The following EYS variants were observed in gnomAD, a reference collection of about 807,000 sequenced individuals.
The protein encoded by EYS is protein eyes shut homolog.
In EYS, 250 loss-of-function variants were observed where a neutral mutation model predicts 282.1. The ratio of observed to expected loss-of-function variants is 0.89; its 90% CI spans 0.80 to 0.98. EYS has a LOEUF of 0.98. Ranked by LOEUF, EYS falls within the 50% of genes least tolerant of loss-of-function variation. The pLI is 0.00. For synonymous variants in EYS, 1,355 were observed against 1,282.9 expected (o/e 1.06, Z -1.20); for missense variants, 4,016 against 3,709.0 (o/e 1.08, Z -2.15).
At chr6:64,603,246 C>T (rs1766818587) in intron 24 of EYS, among the ~76,000 whole-genome samples, 1 of 151,982 alleles carries the variant, frequency 6.6e-6, no homozygotes, top group South Asian at 2.1e-4. Flanking sequence ...CTGTTTCCTC[C>T]TCTTCCCCCA....
intron 31 of EYS, among the ~76,000 whole-genome samples, chr6:64,171,311 T>C (rs1764473085): frequency 6.6e-6 from 1 of 152,210 alleles, no homozygotes; most frequent in Non-Finnish European, 1.5e-5. Context: ...TATAGGGATC[T>C]GTGGGCCCTT....
intron 31 of EYS, among the ~76,000 whole-genome samples, chr6:64,105,977 A>T (rs953643196): frequency 1.3e-5 from 2 of 152,110 alleles, no homozygotes; most frequent in Non-Finnish European, 2.9e-5. Flanking sequence ...GAAAACATAC[A>T]GTTGGGTCTT....
intron 30 of EYS, among the ~76,000 whole-genome samples, chr6:64,291,403 A>G (rs995752617): frequency 2.0e-5 from 3 of 152,058 alleles, no homozygotes; most frequent in Non-Finnish European, 4.4e-5. Context: ...GTATAAGTAA[A>G]ACAACTATAT....
At chr6:64,797,493 G>A (rs1243110346) in intron 22 of EYS, among the ~76,000 whole-genome samples, 1 of 151,770 alleles carries the variant, frequency 6.6e-6, no homozygotes, top group Non-Finnish European at 1.5e-5. Context: ...TCTTCCCAAA[G>A]CATATTATAT....
intron 12 of EYS, among the ~76,000 whole-genome samples, chr6:65,155,732 T>A (rs1220722956): frequency 6.6e-6 from 1 of 151,490 alleles, no homozygotes; most frequent in Non-Finnish European, 1.5e-5. Flanking sequence ...GTCTATTATG[T>A]AAAAAGCATT....
intron 13 of EYS, among the ~76,000 whole-genome samples, chr6:65,019,563 A>T (rs761992804): frequency 6.6e-6 from 1 of 152,218 alleles, no homozygotes; most frequent in Admixed American, 6.5e-5. Flanking sequence ...GTACAAAATA[A>T]ATGACATAAG....
intron 41 of EYS, among the ~76,000 whole-genome samples, chr6:63,738,504 C>G (rs1380531845): frequency 6.7e-6 from 1 of 148,208 alleles, no homozygotes. Flanking sequence ...ACCAAACACC[C>G]CATATTCTCA....
intron 31 of EYS, among the ~76,000 whole-genome samples, chr6:64,188,827 TTAG>T (rs1240958403): frequency 2.0e-5 from 3 of 152,036 alleles, no homozygotes; most frequent in African/African-American, 7.2e-5. Flanking sequence ...TGAGGATTAG[TTAG>T]TAGGAAAAGG....
At chr6:65,292,593 C>G (rs1418823836) in intron 12 of EYS, among the ~76,000 whole-genome samples, 1 of 151,694 alleles carries the variant, frequency 6.6e-6, no homozygotes, top group Non-Finnish European at 1.5e-5. Context: ...AAAGTACCCC[C>G]TTTAGGTACT....
intron 35 of EYS, among the ~76,000 whole-genome samples, chr6:63,954,380 C>T (rs1765723461): frequency 6.6e-6 from 1 of 152,166 alleles, no homozygotes; most frequent in African/African-American, 2.4e-5. Flanking sequence ...TTAGCTCAGG[C>T]CCTCACTCTT....
At chr6:64,646,857 C>A (rs531639098) in intron 22 of EYS, among the ~76,000 whole-genome samples, 1 of 151,140 alleles carries the variant, frequency 6.6e-6, no homozygotes, top group South Asian at 2.1e-4. Flanking sequence ...TTGCATTATT[C>A]CTCATGAGCA....
At chr6:65,076,951 T>G (rs1185866787) in intron 12 of EYS, among the ~76,000 whole-genome samples, 1 of 151,970 alleles carries the variant, frequency 6.6e-6, no homozygotes, top group African/African-American at 2.4e-5. Context: ...AAAACTGAAC[T>G]GAGAATTAGG....
chr6:65,342,806 T>C (rs1770247463), intron 10 of EYS, among the ~76,000 whole-genome samples: 1 of 150,748 alleles, frequency 6.6e-6, no homozygotes, highest in South Asian at 2.1e-4. Flanking sequence ...TCTAAAGAAA[T>C]TGTCTAATTT....
At chr6:65,101,930 A>G (rs2150183689) in intron 12 of EYS, among the ~76,000 whole-genome samples, 1 of 151,364 alleles carries the variant, frequency 6.6e-6, no homozygotes, top group African/African-American at 2.4e-5. Flanking sequence ...TCCCAGACAC[A>G]TTGTGCTGTG....
At chr6:64,826,804 T>G (rs1465187747) in intron 19 of EYS, among the ~76,000 whole-genome samples, 1 of 151,376 alleles carries the variant, frequency 6.6e-6, no homozygotes, top group Non-Finnish European at 1.5e-5. Context: ...GTTACATGTT[T>G]TGACAAGTTT....
chr6:65,539,479 G>A (rs1026584962), intron 2 of EYS, among the ~76,000 whole-genome samples: 2 of 152,156 alleles, frequency 1.3e-5, no homozygotes, highest in South Asian at 2.1e-4. Context: ...AGAATGATTA[G>A]AATTAAACAG....
rs561127318 is a variant in EYS, at chr6:65,426,808, AATAAGTT to A, written c.863-21448_863-21442del. ...TGTTTTAGGAGTTTCAACAGATGTT[AATAAGTT>A]ATAAACCTTAATTTAGTAATTTACA... On this transcript the variant is annotated intron_variant, in intron 5 of 42. Coordinates refer to ENST00000503581, the MANE Select transcript of EYS (RefSeq NM_001142800.2). 8.5e-4 allele frequency among the ~76,000 whole-genome samples: 130 copies of A among 152,258 alleles called. 2 individuals are homozygous for A. The highest frequency in any genetic ancestry group is 2.7e-3 in the African/African-American group (113 of 41,576).
intron 29 of EYS, among the ~76,000 whole-genome samples, chr6:64,382,174 T>C (rs1275026320): frequency 6.6e-6 from 1 of 152,196 alleles, no homozygotes; most frequent in African/African-American, 2.4e-5. Context: ...CCTGTTTTTC[T>C]GCCTGATATT....
At chr6:65,460,005 T>TATAA (rs1764768948) in intron 5 of EYS, among the ~76,000 whole-genome samples, 1 of 113,276 alleles carries the variant, frequency 8.8e-6, no homozygotes, top group Non-Finnish European at 1.9e-5. Context: ...TATATATATA[T>TATAA]ATAATTTTAT....
Sources: allele counts gnomAD v4.1 joint callset (sites outside exome capture counted in the v4.1 genomes callset), GRCh38; gene constraint gnomAD v4.1.1; transcripts MANE v1.5; gene names NCBI Gene and HGNC (gene_info 2026-07-23, HGNC 2026-07-21).